PCDHA2: variants seen among roughly 807,000 people sequenced by gnomAD.
The protein encoded by PCDHA2 is protocadherin alpha-2.
PCDHA2 carries 58 observed loss-of-function variants against 66.0 expected under a neutral mutation model. The observed-to-expected ratio is 0.88, with a 90% CI of 0.71 to 1.09. The LOEUF is 1.09. PCDHA2 is among the 50% of genes least tolerant of loss of function. The probability of loss-of-function intolerance (pLI) is 0.00; values close to 1 mark genes in which losing one functional copy is unlikely to be tolerated. For missense variants in PCDHA2, 1,267 were observed against 1,242.3 expected (o/e 1.02, Z -0.30); for synonymous variants, 634 against 554.0 (o/e 1.14, Z -2.03).
At chr5:140,830,434 T>C (rs1771061273) in intron 1 of PCDHA2, 2 of 1,613,288 alleles carry the variant, frequency 1.2e-6, no homozygotes, top group Non-Finnish European at 1.7e-6. Flanking sequence ...CTTGTCCTAT[T>C]ATGATGGGTA....
chr5:140,969,076 T>C, intron 1 of PCDHA2: 2 of 1,614,162 alleles, frequency 1.2e-6, no homozygotes, highest in South Asian at 2.2e-5. Flanking sequence ...GGATACCGCA[T>C]GGCCTCAAAG....
intron 1 of PCDHA2, chr5:140,830,015 T>C (rs1770748975): frequency 1.7e-5 from 28 of 1,613,788 alleles, no homozygotes; most frequent in Non-Finnish European, 2.4e-5. Flanking sequence ...CGAAGCGGAC[T>C]CTCCGCGCCA....
chr5:140,993,462 TCACACACACACA>T (rs3836747), intron 3 of PCDHA2, among the ~76,000 whole-genome samples: 1,999 of 141,038 alleles, frequency 0.014, 48 homozygotes, highest in African/African-American at 0.047. Context: ...TCTTTCTTTC[TCACACACACACA>T]CACACACACA....
chr5:141,007,647 A>T (rs1554261419), intron 3 of PCDHA2, among the ~76,000 whole-genome samples: 1 of 152,174 alleles, frequency 6.6e-6, no homozygotes, highest in Admixed American at 6.5e-5. Context: ...GTATTTGCCT[A>T]AAAAACCATA....
intron 2 of PCDHA2, among the ~76,000 whole-genome samples, chr5:140,981,825 T>G (rs941645731): frequency 2.0e-5 from 3 of 152,184 alleles, no homozygotes; most frequent in African/African-American, 7.2e-5. Context: ...TCTGCTTGCC[T>G]CTAAAGGTCT....
At chr5:140,814,460 T>C in intron 1 of PCDHA2, 1 of 152,138 alleles carries the variant, frequency 6.6e-6, no homozygotes, top group East Asian at 1.9e-4. Flanking sequence ...TTTTTTTTTT[T>C]TGAGTTAATG....
chr5:140,842,182 T>A (rs200850648), intron 1 of PCDHA2: 1 of 1,613,440 alleles, frequency 6.2e-7, no homozygotes, highest in Non-Finnish European at 8.5e-7. Flanking sequence ...TTGTTGAAAC[T>A]ATGGTTATTG....
In PCDHA2 at chr5:140,796,626, C is replaced by G; in HGVS notation, c.1662C>G (p.Phe554Leu). ...GCAGCAACGTGACGCTGCAGGTGTT[C>G]GTGCTGGACGAGAACGACAACGCGC... The part of the protein sequence containing the change: ...PLGSNVTLQV[F>L]VLDENDNAPA... Residue 554 changes from phenylalanine to leucine, a missense_variant, in exon 1 of 4, where the codon TTC becomes TTG. Coordinates refer to ENST00000526136, the MANE Select transcript of PCDHA2 (RefSeq NM_018905.3). 1 of 1,609,656 alleles carries G rather than the reference C, an allele frequency of 6.2e-7. No individual in the cohort carries two copies. The highest frequency in any genetic ancestry group is 8.5e-7 in the Non-Finnish European group (1 of 1,178,682).
At chr5:140,882,492 T>C (rs782572325) in intron 1 of PCDHA2, 1 of 1,614,090 alleles carries the variant, frequency 6.2e-7, no homozygotes, top group South Asian at 1.1e-5. Flanking sequence ...GGGGACCTTC[T>C]GGAGGTAAAT....
chr5:140,843,106 C>G lies in PCDHA2; in HGVS notation c.2388+45754C>G, dbSNP rs1265467066. The G allele has an allele frequency of 1.2e-5, 19 of 1,595,592 alleles. 3 individuals are homozygous for G. The highest frequency in any genetic ancestry group is 1.6e-5 in the Non-Finnish European group (19 of 1,165,474). ...CGGGCCACGTGGTAGCGAAGGTGCG[C>G]GCAGTGGACGCCGACTCGGGCTACA... is the stretch of plus-strand genomic sequence containing the variant. On this transcript the variant is annotated intron_variant, in intron 1 of 3. Transcript: ENST00000526136.
chr5:140,966,402 G>A (rs1554228257), intron 1 of PCDHA2: 4 of 404,514 alleles, frequency 9.9e-6, no homozygotes, highest in African/African-American at 8.2e-5. Context: ...ACTTCGGCGC[G>A]GAATCAGAGC....
chr5:140,836,207 G>A, intron 1 of PCDHA2: 1 of 1,613,844 alleles, frequency 6.2e-7, no homozygotes, highest in Non-Finnish European at 8.5e-7. Context: ...CGTGGCTTTC[G>A]TATGAGTTGC....
intron 1 of PCDHA2, chr5:140,822,298 G>C (rs2150115321): frequency 6.2e-7 from 1 of 1,614,222 alleles, no homozygotes; most frequent in South Asian, 1.1e-5. Flanking sequence ...AAATCCAAAC[G>C]AATATTTTGA....
chr5:140,846,638 T>A (rs1554141417), intron 1 of PCDHA2, among the ~76,000 whole-genome samples: 1 of 149,216 alleles, frequency 6.7e-6, no homozygotes, highest in Non-Finnish European at 1.5e-5. Flanking sequence ...CCTCCTAAAG[T>A]GCTGGGATTA....
intron 1 of PCDHA2, chr5:140,862,764 G>A (rs375357178): frequency 5.0e-5 from 29 of 577,184 alleles, no homozygotes; most frequent in Middle Eastern, 5.6e-4. Flanking sequence ...GCGGCAAGAG[G>A]TACGCGTTGC....
At position 140,809,055 on chromosome 5, in the gene PCDHA2, G is replaced by A. The variant is rs576133564; in HGVS notation, c.2388+11703G>A. On this transcript the variant is annotated intron_variant, in intron 1 of 3. Coordinates refer to ENST00000526136, the MANE Select transcript of PCDHA2 (RefSeq NM_018905.3). Reference sequence around the variant, plus strand: ...ACTGGTGGCGCGCGCATCCCGTTCCGCGTGGGGCTGTACACTGGCGAGATC... The same window carrying A: ...ACTGGTGGCGCGCGCATCCCGTTCCACGTGGGGCTGTACACTGGCGAGATC... 2.1e-5 allele frequency: 34 copies of A among 1,613,866 alleles called. No homozygotes were observed. The South Asian group carries it at 3.0e-4, about 14-fold the overall frequency.
rs2150169612 is a variant in PCDHA2 at position 140,829,534 on chromosome 5, C to G, written c.2388+32182C>G. 279 of 1,613,194 alleles carry G rather than the reference C, an allele frequency of 1.7e-4. No homozygotes were observed. The highest frequency in any genetic ancestry group is 2.3e-4 in the Non-Finnish European group (267 of 1,179,876). On this transcript the variant is annotated intron_variant, in intron 1 of 3. Coordinates refer to ENST00000526136, the MANE Select transcript of PCDHA2 (RefSeq NM_018905.3). The stretch of plus-strand genomic sequence containing the variant: ...ACATCTTCACGGTGTCTGCGCGAGA[C>G]GCGGACGCGCAGGAGAACGCGCTGG...
At chr5:140,871,015 G>C in intron 1 of PCDHA2, 1 of 1,613,244 alleles carries the variant, frequency 6.2e-7, no homozygotes, top group Non-Finnish European at 8.5e-7. Context: ...TGCCCTGGAC[G>C]AGGCAGACTC....
At chr5:140,987,296 A>G (rs782162576) in intron 3 of PCDHA2, among the ~76,000 whole-genome samples, 1 of 152,126 alleles carries the variant, frequency 6.6e-6, no homozygotes, top group African/African-American at 2.4e-5. Context: ...CAAGCCTTCT[A>G]TGTGATACCA....
Sources: gnomAD v4.1 joint callset for allele counts (sites outside exome capture counted in the v4.1 genomes callset) on GRCh38, gnomAD v4.1.1 for gene constraint, MANE v1.5 for transcripts, NCBI Gene and HGNC (gene_info 2026-07-23, HGNC 2026-07-21) for gene names.